The following DLEU7 variants were observed in gnomAD, a reference collection of about 807,000 sequenced individuals.
DLEU7 encodes deleted in lymphocytic leukemia 7.
Under a neutral mutation model 16.0 loss-of-function variants are expected in DLEU7, and 17 were observed. That is an observed-to-expected ratio of 1.06 (90% CI 0.73 to 1.59). The LOEUF (loss-of-function observed/expected upper bound fraction) is 1.59, where lower values mean the gene tolerates loss of function less well. Ranked by LOEUF, DLEU7 falls within the 40% of genes most tolerant of loss-of-function variation. DLEU7 has a pLI of 0.00. For missense variants in DLEU7, 308 were observed against 314.9 expected (o/e 0.98, Z 0.17); for synonymous variants, 113 against 139.8 (o/e 0.81, Z 1.35).
chr13:50,763,932 A>G (rs1875022232), intron 1 of DLEU7, among the ~76,000 whole-genome samples: 1 of 152,250 alleles, frequency 6.6e-6, no homozygotes, highest in Non-Finnish European at 1.5e-5. Flanking sequence ...AATGTCTGTA[A>G]AGCACCATAA....
chr13:50,796,152 T>C (rs185034692), intron 1 of DLEU7, among the ~76,000 whole-genome samples: 175 of 152,274 alleles, frequency 1.1e-3, no homozygotes, highest in Non-Finnish European at 2.1e-4. Context: ...CTGAACTCTA[T>C]ATATTTTATA....
chr13:50,770,942 C>T lies in DLEU7; in HGVS notation c.460-57702G>A, dbSNP rs556539310. 3.2e-4 allele frequency among the ~76,000 whole-genome samples: 48 copies of T among 152,148 alleles called. 1 individual carries two copies. The highest frequency in any genetic ancestry group is 1.8e-3 in the Admixed American group (28 of 15,282). On this transcript the variant is annotated intron_variant, in intron 1 of 1. Transcript: ENST00000400393. Reference sequence around the variant, plus strand: ...GGATATTAATTATTGCCTCAATTTCCGAGCCTGTTATTGGTCTATTCAGGG... The same window carrying T: ...GGATATTAATTATTGCCTCAATTTCTGAGCCTGTTATTGGTCTATTCAGGG...
chr13:50,772,761 G>A (rs981630433), intron 1 of DLEU7, among the ~76,000 whole-genome samples: 4 of 152,062 alleles, frequency 2.6e-5, no homozygotes, highest in African/African-American at 9.7e-5. Flanking sequence ...TGCTCTTCTC[G>A]AGGAGTATCT....
intron 1 of DLEU7, among the ~76,000 whole-genome samples, chr13:50,765,468 G>A (rs1007093559): frequency 2.0e-5 from 3 of 151,956 alleles, no homozygotes; most frequent in Admixed American, 6.6e-5. Context: ...AGAAGAGGAG[G>A]GAAGGAAGTT....
chr13:50,790,806 C>T (rs185085925), intron 1 of DLEU7, among the ~76,000 whole-genome samples: 21 of 152,278 alleles, frequency 1.4e-4, no homozygotes, highest in Admixed American at 1.1e-3. Flanking sequence ...GATGCTCTCT[C>T]GAGGTCCTGG....
intron 1 of DLEU7, among the ~76,000 whole-genome samples, chr13:50,837,291 G>A (rs1480735225): frequency 6.6e-6 from 1 of 152,060 alleles, no homozygotes; most frequent in African/African-American, 2.4e-5. Context: ...ATGCTCACCA[G>A]GCAAACCCAA....
chr13:50,735,420 A>G (rs1874036679), intron 1 of DLEU7, among the ~76,000 whole-genome samples: 1 of 152,152 alleles, frequency 6.6e-6, no homozygotes, highest in African/African-American at 2.4e-5. Context: ...CAATAAATTA[A>G]ACAATATAAA....
intron 1 of DLEU7, among the ~76,000 whole-genome samples, chr13:50,816,233 C>G (rs2137795546): frequency 6.6e-6 from 1 of 152,148 alleles, no homozygotes; most frequent in East Asian, 1.9e-4. Context: ...CCCTTTCATC[C>G]TTCAATTAAA....
At chr13:50,832,265 A>G (rs7321035) in intron 1 of DLEU7, among the ~76,000 whole-genome samples, 8,275 of 152,082 alleles carry the variant, frequency 0.054, 736 homozygotes, top group African/African-American at 0.18. Context: ...TTTCTAGCTT[A>G]TTTGCACAGA....
intron 1 of DLEU7, among the ~76,000 whole-genome samples, chr13:50,732,384 G>A (rs958409403): frequency 6.6e-6 from 1 of 152,044 alleles, no homozygotes; most frequent in Non-Finnish European, 1.5e-5. Context: ...GCTGAGGTGG[G>A]CTAATCATGA....
chr13:50,724,218 G>T (rs1024064143), intron 1 of DLEU7, among the ~76,000 whole-genome samples: 6 of 152,106 alleles, frequency 3.9e-5, no homozygotes, highest in Admixed American at 2.0e-4. Flanking sequence ...AAATCCCCTT[G>T]TTCGTGATGA....
rs1391615803 is a variant in DLEU7, at chr13:50,843,669, C to T, written c.-23G>A. 6 of 1,497,198 alleles carry T rather than the reference C, an allele frequency of 4.0e-6. No homozygotes were observed. The highest frequency in any genetic ancestry group is 5.3e-6 in the Non-Finnish European group (6 of 1,131,032). 92.7% of individuals were successfully genotyped at this position (1,497,198 alleles called of 1,614,324 possible). On this transcript the variant is annotated 5_prime_UTR_variant, in exon 1 of 2. Transcript: ENST00000504404. The surrounding 1 kb of genome is among the most constrained non-coding windows in gnomAD (Gnocchi z 5.7). The stretch of plus-strand genomic sequence containing the variant: ...CATCGCCTCCGCTGGCGGCCCGGCG[C>T]GCTCCGCGTGCAGGTGGAGCAGCAG...
rs1376779234 is a variant in DLEU7, at chr13:50,713,230, A to G, written c.470T>C (p.Leu157Pro). The G allele has an allele frequency of 6.2e-7, 1 of 1,611,196 alleles. No homozygotes were observed. Among genetic ancestry groups the G allele is most frequent in the South Asian group, 1.1e-5 (1 of 90,234 alleles). The change falls in exon 2 of 2, where the codon CTG (leucine) becomes CCG (proline). Residue 157 changes from leucine to proline, a missense_variant. Coordinates refer to the DLEU7 transcript ENST00000400393. ...CAGTGACCTTCTTCACTCATTAGCCAGGAGTTGAAGCTGAAAGAAATGTAG... is the reference window on the plus strand; with the variant it reads ...CAGTGACCTTCTTCACTCATTAGCCGGGAGTTGAAGCTGAAAGAAATGTAG...
chr13:50,786,539 C>T (rs535235888), intron 1 of DLEU7, among the ~76,000 whole-genome samples: 1 of 152,202 alleles, frequency 6.6e-6, no homozygotes, highest in South Asian at 2.1e-4. Context: ...AAATCCAGAA[C>T]AGTTAAGAAT....
intron 1 of DLEU7, among the ~76,000 whole-genome samples, chr13:50,748,451 C>A (rs1874465940): frequency 6.6e-6 from 1 of 151,912 alleles, no homozygotes; most frequent in African/African-American, 2.4e-5. Flanking sequence ...TTTGACTCTA[C>A]TAGAGAGGAA....
chr13:50,822,774 G>A, downstream of DLEU7: 6 of 985,708 alleles, frequency 6.1e-6, no homozygotes, highest in Non-Finnish European at 7.2e-6. Flanking sequence ...TCAACAGTAA[G>A]TTATTAATGT....
chr13:50,782,256 G>A (rs1489987059), intron 1 of DLEU7, among the ~76,000 whole-genome samples: 1 of 152,156 alleles, frequency 6.6e-6, no homozygotes, highest in Non-Finnish European at 1.5e-5. Context: ...TACAGTGACT[G>A]GCATGGTTCC....
In DLEU7 at chr13:50,843,239, C is replaced by G; in HGVS notation, c.408G>C (p.Gln136His). The G allele has an allele frequency of 6.3e-7, 1 of 1,594,216 alleles. No homozygotes were observed. The part of the protein sequence containing the change: ...DSTSELVSVE[Q>H]TLLGPLQQER... ...CCTGCTGGAGGGGCCCCAGCAGCGT[C>G]TGCTCCACGCTGACCAGCTCCGAAG... Residue 136 changes from glutamine (Q) to histidine (H), a missense_variant, in exon 1 of 2, where the codon CAG becomes CAC. Coordinates refer to ENST00000504404, the MANE Select transcript of DLEU7 (RefSeq NM_001306135.2). The surrounding 1 kb of genome is among the most constrained non-coding windows in gnomAD (Gnocchi z 5.7).
intron 1 of DLEU7, among the ~76,000 whole-genome samples, chr13:50,747,786 G>A (rs761040185): frequency 2.0e-5 from 3 of 152,182 alleles, no homozygotes; most frequent in Non-Finnish European, 4.4e-5. Flanking sequence ...ATGGAAGTAT[G>A]TGGGCGGGGA....
Sources: gnomAD v4.1 joint callset for allele counts (sites outside exome capture counted in the v4.1 genomes callset) on GRCh38, gnomAD v4.1.1 for gene constraint, Gnocchi (gnomAD v3.1) non-coding constraint, MANE v1.5 for transcripts, NCBI Gene and HGNC (gene_info 2026-07-23, HGNC 2026-07-21) for gene names.